The following XNDC1N variants were observed in gnomAD, a reference collection of about 807,000 sequenced individuals.
XNDC1N encodes the protein XRCC1 N-terminal domain containing 1, N-terminal like, also known as protein XNDC1N.
the XNDC1N span, among the ~76,000 whole-genome samples, chr11:71,876,869 G>C: frequency 6.6e-6 from 1 of 152,178 alleles, no homozygotes; most frequent in Non-Finnish European, 1.5e-5. Flanking sequence ...GGCCATTCTG[G>C]CTTCAGTAAA....
At chr11:71,878,380 A>T in the XNDC1N span, 2 of 1,549,754 alleles carry the variant, frequency 1.3e-6, no homozygotes, top group Non-Finnish European at 1.8e-6. Flanking sequence ...ACCTCTTCAG[A>T]GGACTGAATG....
chr11:71,911,914 A>T, the XNDC1N span, among the ~76,000 whole-genome samples: 1 of 152,142 alleles, frequency 6.6e-6, no homozygotes, highest in Non-Finnish European at 1.5e-5. Flanking sequence ...TCTTGGACCT[A>T]CTTCTTCTAA....
At chr11:71,917,349 A>G in the XNDC1N span, 2 of 620,010 alleles carry the variant, frequency 3.2e-6, no homozygotes, top group Non-Finnish European at 5.8e-6. Flanking sequence ...TGTGTGTTCT[A>G]TATATTGGGC....
chr11:71,919,072 G>A, the XNDC1N span: 2 of 696,704 alleles, frequency 2.9e-6, no homozygotes, highest in African/African-American at 1.8e-5. Flanking sequence ...CTGCGCCCAA[G>A]GGAAAAAGGA....
chr11:71,870,756 A>G, the XNDC1N span, among the ~76,000 whole-genome samples: 3 of 152,230 alleles, frequency 2.0e-5, no homozygotes, highest in African/African-American at 7.2e-5. Context: ...GAAGACATAC[A>G]AATGACCAAT....
chr11:71,902,422 A>C, the XNDC1N span, among the ~76,000 whole-genome samples: 1 of 152,182 alleles, frequency 6.6e-6, no homozygotes, highest in African/African-American at 2.4e-5. Context: ...TGATCTCCTG[A>C]CCCAGTGATC....
At chr11:71,878,835 A>C in the XNDC1N span, among the ~76,000 whole-genome samples, 3 of 151,930 alleles carry the variant, frequency 2.0e-5, no homozygotes, top group South Asian at 6.2e-4. Context: ...TACAAAAAAA[A>C]AAAAAATACA....
At chr11:71,891,879 G>A in the XNDC1N span, among the ~76,000 whole-genome samples, 16 of 152,032 alleles carry the variant, frequency 1.1e-4, no homozygotes, top group African/African-American at 3.9e-4. Context: ...TATCACAGGG[G>A]GTGTTTACAA....
At chr11:71,898,435 C>T in the XNDC1N span, among the ~76,000 whole-genome samples, 1 of 151,870 alleles carries the variant, frequency 6.6e-6, no homozygotes, top group South Asian at 2.1e-4. Flanking sequence ...GGTGAAAGCT[C>T]GTCTCTATTA....
the XNDC1N span, among the ~76,000 whole-genome samples, chr11:71,889,879 A>G: frequency 6.6e-6 from 1 of 152,082 alleles, no homozygotes; most frequent in Non-Finnish European, 1.5e-5. Flanking sequence ...TCAAACACGA[A>G]CAGAGAAATC....
the XNDC1N span, among the ~76,000 whole-genome samples, chr11:71,888,160 G>A: frequency 3.3e-5 from 5 of 152,262 alleles, no homozygotes; most frequent in South Asian, 1.0e-3. Context: ...GGCACCTGGA[G>A]GACTGTGGAT....
chr11:71,895,314 T>A, the XNDC1N span, among the ~76,000 whole-genome samples: 1 of 152,004 alleles, frequency 6.6e-6, no homozygotes, highest in Non-Finnish European at 1.5e-5. Flanking sequence ...TCTATTTCTT[T>A]CCCTTTTTTT....
the XNDC1N span, among the ~76,000 whole-genome samples, chr11:71,913,176 A>G: frequency 6.6e-6 from 1 of 151,830 alleles, no homozygotes; most frequent in African/African-American, 2.4e-5. Flanking sequence ...AGGGTTTTGT[A>G]CCCCACCTGC....
the XNDC1N span, among the ~76,000 whole-genome samples, chr11:71,911,978 T>C: frequency 3.8e-4 from 58 of 152,174 alleles, no homozygotes; most frequent in Non-Finnish European, 8.4e-4. Context: ...GGAGGAAGGA[T>C]GGATTCGGTT....
the XNDC1N span, chr11:71,878,442 C>G: frequency 6.2e-7 from 1 of 1,611,484 alleles, no homozygotes; most frequent in Non-Finnish European, 8.5e-7. Context: ...ACCTGCTTTA[C>G]CTATTCAACC....
At chr11:71,884,841 CTTAGAACCCCTATCGCAGGG>C in the XNDC1N span, among the ~76,000 whole-genome samples, 1 of 148,356 alleles carries the variant, frequency 6.7e-6, no homozygotes, top group East Asian at 2.0e-4. Context: ...CCCCCTGGCT[CTTAGAACCCCTATCGCAGGG>C]GGGTGAGGCA....
the XNDC1N span, among the ~76,000 whole-genome samples, chr11:71,882,259 A>G: frequency 5.9e-5 from 9 of 151,930 alleles, no homozygotes; most frequent in African/African-American, 2.2e-4. Context: ...ACTTAGCAAA[A>G]TTATCTTTTT....
chr11:71,907,935 C>T, the XNDC1N span, among the ~76,000 whole-genome samples: 1 of 152,136 alleles, frequency 6.6e-6, no homozygotes, highest in Admixed American at 6.5e-5. Context: ...ATATTAGGAG[C>T]AAAATCACGG....
the XNDC1N span, among the ~76,000 whole-genome samples, chr11:71,901,341 G>A: frequency 6.6e-6 from 1 of 152,128 alleles, no homozygotes; most frequent in Non-Finnish European, 1.5e-5. Context: ...GCTCACGCCT[G>A]TAATCCCAGC....
Sources: allele counts gnomAD v4.1 joint callset (sites outside exome capture counted in the v4.1 genomes callset), GRCh38; gene constraint gnomAD v4.1.1; transcripts MANE v1.5; gene names NCBI Gene and HGNC (gene_info 2026-07-23, HGNC 2026-07-21).